The following FOCAD variants were observed in gnomAD, a reference collection of about 807,000 sequenced individuals.
The protein encoded by FOCAD is focadhesin, also known as KIAA1797.
FOCAD carries 198 observed loss-of-function variants against 225.6 expected under a neutral mutation model. The observed-to-expected ratio is 0.88, with a 90% CI of 0.78 to 0.99. FOCAD has a LOEUF of 0.99. FOCAD is among the 50% of genes least tolerant of loss of function. The probability of loss-of-function intolerance (pLI) is 0.00; values close to 1 mark genes in which losing one functional copy is unlikely to be tolerated. For missense variants in FOCAD, 2,713 were observed against 2,123.6 expected (o/e 1.28, Z -5.46); for synonymous variants, 897 against 755.0 (o/e 1.19, Z -3.08).
rs746890768 is a variant in FOCAD at position 20,789,497 on chromosome 9, C to G, written c.1344C>G (p.Ile448Met). The change falls in exon 11 of 44, where the codon ATC becomes ATG. Residue 448 changes from isoleucine (I) to methionine (M), a missense_variant. Transcript: ENST00000338382. ...CATTGCTTCCTATTACTGCTGTGAT[C>G]CCTGCGCCTGCCTTTCTTCTGCTGG... ...VESLLPITAV[I>M]PAPAFLLLAH... The G allele has an allele frequency of 6.2e-7, 1 of 1,613,848 alleles. No homozygotes were observed. The highest frequency in any genetic ancestry group is 8.5e-7 in the Non-Finnish European group (1 of 1,179,998).
intron 1 of FOCAD, among the ~76,000 whole-genome samples, chr9:20,714,111 C>T (rs116686166): frequency 3.6e-4 from 55 of 152,062 alleles, no homozygotes; most frequent in South Asian, 3.3e-3. Flanking sequence ...CTGAAATGCT[C>T]GGGACCAGAA....
At chr9:20,910,409 A>C (rs1444226650) in intron 22 of FOCAD, among the ~76,000 whole-genome samples, 1 of 152,146 alleles carries the variant, frequency 6.6e-6, no homozygotes, top group African/African-American at 2.4e-5. Flanking sequence ...CCAAATAACC[A>C]GAAATCAGAG....
At chr9:20,668,539 CA>C (rs1821962236) in intron 2 of FOCAD, among the ~76,000 whole-genome samples, 1 of 152,040 alleles carries the variant, frequency 6.6e-6, no homozygotes, top group South Asian at 2.1e-4. Context: ...CAAAAAATTA[CA>C]GGGGGAGGAA....
chr9:20,703,958 G>T (rs1397592910), intron 1 of FOCAD, among the ~76,000 whole-genome samples: 1 of 152,210 alleles, frequency 6.6e-6, no homozygotes, highest in Non-Finnish European at 1.5e-5. Context: ...AGCCCCCAAA[G>T]GGGGCTCCCC....
At chr9:20,888,059 T>C (rs1160502291) in intron 21 of FOCAD, among the ~76,000 whole-genome samples, 5 of 151,732 alleles carry the variant, frequency 3.3e-5, no homozygotes, top group Admixed American at 6.6e-5. Context: ...CAAAAGAGTG[T>C]TCTTTATATA....
In FOCAD at chr9:20,696,392, C is replaced by A. The variant is rs949882482; in HGVS notation, c.-33+12099C>A. Among the ~76,000 whole-genome samples the A allele has an allele frequency of 4.6e-5, 7 of 152,188 alleles. No homozygotes were observed. In the East Asian group the frequency reaches 1.3e-3, roughly 29 times the overall value. On this transcript the variant is annotated intron_variant, in intron 1 of 43. Coordinates refer to ENST00000338382, the MANE Select transcript of FOCAD (RefSeq NM_001375567.1). Reference sequence around the variant, plus strand: ...AGGTGATATGTTTGATTGTGGAAATCATTTCACACTGTATACATATATCAA... The same window carrying A: ...AGGTGATATGTTTGATTGTGGAAATAATTTCACACTGTATACATATATCAA...
chr9:20,752,295 T>A (rs1026813544), intron 5 of FOCAD, among the ~76,000 whole-genome samples: 3 of 151,016 alleles, frequency 2.0e-5, no homozygotes, highest in African/African-American at 7.3e-5. Context: ...GTTTTAGGTC[T>A]AACGTTTAAG....
chr9:20,975,129 A>T (rs1840117822), intron 35 of FOCAD, among the ~76,000 whole-genome samples: 1 of 151,866 alleles, frequency 6.6e-6, no homozygotes, highest in African/African-American at 2.4e-5. Context: ...TCTACTGCCG[A>T]TGTTGATCCT....
intron 19 of FOCAD, among the ~76,000 whole-genome samples, chr9:20,879,488 A>G (rs139699330): frequency 1.7e-4 from 26 of 152,298 alleles, no homozygotes; most frequent in African/African-American, 6.3e-4. Flanking sequence ...TATTCCAAAT[A>G]GTTACCTGTA....
chr9:20,722,913 T>C (rs1028480235), intron 4 of FOCAD, among the ~76,000 whole-genome samples: 2 of 152,164 alleles, frequency 1.3e-5, no homozygotes, highest in Non-Finnish European at 2.9e-5. Flanking sequence ...CATTGTGTAG[T>C]TGTACTATTT....
chr9:20,941,829 G>T (rs547505982), intron 28 of FOCAD, among the ~76,000 whole-genome samples: 1 of 152,194 alleles, frequency 6.6e-6, no homozygotes, highest in Non-Finnish European at 1.5e-5. Flanking sequence ...TGGACAGAAA[G>T]TTATAAAAGC....
chr9:20,957,563 C>T (rs1286098137), intron 35 of FOCAD: 1 of 140,408 alleles, frequency 7.1e-6, no homozygotes, highest in Non-Finnish European at 1.5e-5. Context: ...CAACCTCTGC[C>T]TCCCAGGCTC....
chr9:20,872,079 G>C (rs1295860517), intron 18 of FOCAD, among the ~76,000 whole-genome samples: 1 of 151,850 alleles, frequency 6.6e-6, no homozygotes, highest in African/African-American at 2.4e-5. Context: ...AATACATATA[G>C]TATATAATCT....
rs576076870 is a variant in FOCAD at position 20,842,209 on chromosome 9, A to G, written c.1920+19094A>G. On this transcript the variant is annotated intron_variant, in intron 15 of 43. Transcript: ENST00000338382. ...AAATGATCTCTGTGCTTAGGAGAAG[A>G]ATGTGTATTTCTGCAGCTGTTGGAT... Among the ~76,000 whole-genome samples, 5 of 151,982 alleles carry G rather than the reference A, an allele frequency of 3.3e-5. No individual in the cohort carries two copies. The East Asian group carries it at 9.7e-4, about 29-fold the overall frequency.
intron 4 of FOCAD, among the ~76,000 whole-genome samples, chr9:20,728,105 C>G (rs939980796): frequency 6.6e-6 from 1 of 152,062 alleles, no homozygotes; most frequent in African/African-American, 2.4e-5. Flanking sequence ...TGAGTGTTTT[C>G]TAGTTAGTGT....
Position 20,786,911 on chromosome 9 carries a change from C to T in FOCAD, c.1198-2440C>T, listed in dbSNP as rs1050109149. 2.3e-4 allele frequency: 83 copies of T among 362,006 alleles called. 1 individual carries two copies. Among genetic ancestry groups the T allele is most frequent in the Non-Finnish European group, 4.4e-5 (8 of 182,332 alleles). 22.4% of individuals were successfully genotyped at this position (362,006 alleles called of 1,614,324 possible). The stretch of plus-strand genomic sequence containing the variant: ...TATTTTTAAACACCTACTTCCTCCT[C>T]TAAAAGCAAAGCTTACTAGCATTTT... On this transcript the variant is annotated intron_variant, in intron 10 of 43. Transcript: ENST00000338382.
intron 11 of FOCAD, among the ~76,000 whole-genome samples, chr9:20,811,312 C>T (rs10964716): frequency 0.19 from 28,583 of 151,870 alleles, 3,125 homozygotes; most frequent in Non-Finnish European, 0.24. Flanking sequence ...CTTCAGTTTT[C>T]CGTTTGAAAT....
At chr9:20,920,827 T>G (rs1196102216) in intron 24 of FOCAD, among the ~76,000 whole-genome samples, 47 of 128,064 alleles carry the variant, frequency 3.7e-4, no homozygotes, top group African/African-American at 7.5e-4. Flanking sequence ...GTGGGGGGAG[T>G]GGGGAGGGAT....
chr9:20,764,682 G>T (rs2130949653), intron 6 of FOCAD, among the ~76,000 whole-genome samples, 187 bp from the exon 7 acceptor site: 2 of 152,306 alleles, frequency 1.3e-5, no homozygotes, highest in South Asian at 4.1e-4. Context: ...ATTTTCCTCA[G>T]TGTACAAAGA....
Sources: gnomAD v4.1 joint callset for allele counts (sites outside exome capture counted in the v4.1 genomes callset) on GRCh38, gnomAD v4.1.1 for gene constraint, MANE v1.5 for transcripts, NCBI Gene and HGNC (gene_info 2026-07-23, HGNC 2026-07-21) for gene names.